The following PHF8 variants were observed in gnomAD, a reference collection of about 807,000 sequenced individuals.
PHF8 encodes PHD finger protein 8, also known as histone lysine demethylase PHF8.
Under a neutral mutation model 74.4 loss-of-function variants are expected in PHF8, and 9 were observed. The ratio of observed to expected loss-of-function variants is 0.12; its 90% CI spans 0.07 to 0.21. The LOEUF is 0.21. Among genes scored for constraint, PHF8 ranks in the 10% least tolerant of loss-of-function variants. The pLI is 1.00. For missense variants in PHF8, 478 were observed against 816.6 expected (o/e 0.59, Z 5.05); for synonymous variants, 311 against 316.6 (o/e 0.98, Z 0.19).
chrX:54,008,080 A>T (rs1557105767), intron 8 of PHF8, among the ~76,000 whole-genome samples: 1 of 112,192 alleles, frequency 8.9e-6, no homozygotes, highest in Non-Finnish European at 1.9e-5. Flanking sequence ...TGTTAAAAAG[A>T]ACGAAGTGGT....
chrX:53,979,574 A>C (rs1603310757), intron 18 of PHF8, among the ~76,000 whole-genome samples: 1 of 111,339 alleles, frequency 9.0e-6, no homozygotes, highest in Middle Eastern at 4.6e-3. Context: ...AATCAAATAA[A>C]CTAGATGAAC....
upstream of PHF8, among the ~76,000 whole-genome samples, chrX:54,047,438 A>T (rs782456520): frequency 7.1e-5 from 8 of 111,909 alleles, no homozygotes; most frequent in African/African-American, 1.9e-4. Context: ...CTCACCCAAC[A>T]GTTCTTTATT....
chrX:53,975,321 G>A (rs2065356205), intron 18 of PHF8, among the ~76,000 whole-genome samples: 2 of 111,708 alleles, frequency 1.8e-5, no homozygotes, highest in Admixed American at 9.5e-5. Context: ...GAGGTGTCTC[G>A]AAAAAGTAAA....
chrX:53,953,333 A>G lies in PHF8; in HGVS notation c.2540-9090T>C, dbSNP rs782214059. On this transcript the variant is annotated intron_variant, in intron 19 of 21. Transcript: ENST00000338154. ...CCCCTCACATATAGAGAGATAAAAA[A>G]AAAAGGAATTAAAATGGGATCCTAG... Among the ~76,000 whole-genome samples the G allele has an allele frequency of 9.5e-5, 10 of 104,789 alleles. No homozygotes were observed. In the South Asian group the frequency reaches 4.1e-3, roughly 43 times the overall value. 91.0% of individuals were successfully genotyped at this position (104,789 alleles called of 115,157 possible).
chrX:54,034,701 G>GT (rs2066419742), intron 2 of PHF8, among the ~76,000 whole-genome samples: 1 of 110,034 alleles, frequency 9.1e-6, no homozygotes, highest in Non-Finnish European at 1.9e-5. Context: ...GCGGGCGCCT[G>GT]TAATTCCAGC....
Position 53,986,006 on chromosome X carries a change from A to G in PHF8, c.1996-57T>C, listed in dbSNP as rs781915770. On this transcript the variant is annotated intron_variant, in intron 16 of 21. Coordinates refer to ENST00000338154, the MANE Select transcript of PHF8 (RefSeq NM_015107.3). ...CCCAGGATTGGTCTGGTAAGGCCCC[A>G]GTACAGGGGCGATGATCTGACTCCT... The G allele has an allele frequency of 2.9e-5, 31 of 1,087,382 alleles. No homozygotes were observed. The South Asian group carries it at 4.8e-4, about 17-fold the overall frequency. 89.6% of individuals were successfully genotyped at this position (1,087,382 alleles called of 1,213,427 possible). A position where few individuals can be genotyped will look rare whatever the true frequency, so the allele number is the denominator to read the frequency against.
At chrX:54,043,088 C>A in intron 1 of PHF8, 1 of 758,382 alleles carries the variant, frequency 1.3e-6, no homozygotes, top group Non-Finnish European at 1.7e-6. Context: ...GTGATAACTT[C>A]TTTCCGGGTT....
intron 1 of PHF8, chrX:54,043,045 C>T: frequency 2.3e-6 from 1 of 430,725 alleles, no homozygotes; most frequent in Non-Finnish European, 3.5e-6. Flanking sequence ...ACTCTCCACT[C>T]CCCACCCCCC....
intron 13 of PHF8, 36 bp from the exon 14 acceptor site, chrX:53,992,875 G>A: frequency 1.1e-6 from 1 of 914,216 alleles, no homozygotes; most frequent in Non-Finnish European, 1.6e-6. Flanking sequence ...TACCTGTCTG[G>A]GACTCCCATG....
intron 7 of PHF8, among the ~76,000 whole-genome samples, chrX:54,012,368 T>A (rs1250075269): frequency 8.9e-6 from 1 of 112,080 alleles, no homozygotes; most frequent in Admixed American, 9.6e-5. Context: ...AAACCTAACA[T>A]TTGCATAATA....
Position 53,939,062 on chromosome X carries a change from C to A in PHF8, c.*96G>T. 2.6e-6 allele frequency: 3 copies of A among 1,161,046 alleles called. No individual in the cohort carries two copies. The highest frequency in any genetic ancestry group is 3.5e-6 in the Non-Finnish European group (3 of 868,831). On this transcript the variant is annotated 3_prime_UTR_variant, in exon 22 of 22. Transcript: ENST00000338154. ...GAAAGCAGGACAATGCACCTCAGCA[C>A]CTTGTCCAGGGCAGATAGGATCCAG...
chrX:53,979,981 T>A lies in PHF8; in HGVS notation c.2443+4933A>T, dbSNP rs782174080. On this transcript the variant is annotated intron_variant, in intron 18 of 21. Transcript: ENST00000338154. Reference sequence around the variant, plus strand: ...TCCAGCCTGGGTGATAGAGCGAGACTGTGTCTAAATAAGTAAATAAATAGC... The same window carrying A: ...TCCAGCCTGGGTGATAGAGCGAGACAGTGTCTAAATAAGTAAATAAATAGC... 1.1e-3 allele frequency among the ~76,000 whole-genome samples: 125 copies of A among 111,329 alleles called. 1 individual carries two copies. The highest frequency in any genetic ancestry group is 2.0e-3 in the Non-Finnish European group (107 of 53,071).
intron 19 of PHF8, among the ~76,000 whole-genome samples, chrX:53,953,459 G>C (rs1227986415): frequency 9.1e-6 from 1 of 109,550 alleles, no homozygotes; most frequent in Non-Finnish European, 1.9e-5. Flanking sequence ...TGGCCAACAC[G>C]GTGAAACCCC....
chrX:54,027,993 C>G (rs2066296004), intron 2 of PHF8, among the ~76,000 whole-genome samples: 2 of 109,021 alleles, frequency 1.8e-5, no homozygotes, highest in Middle Eastern at 4.2e-3. Flanking sequence ...ACCACACACA[C>G]ACACACACAC....
At chrX:54,000,075 C>A (rs2149848627) in intron 10 of PHF8, 114 bp from the exon 11 acceptor site, 2 of 525,782 alleles carry the variant, frequency 3.8e-6, no homozygotes, top group East Asian at 7.1e-5. Flanking sequence ...AGCACAACTG[C>A]AGATCTCAGT....
chrX:53,967,599 C>T (rs1361881914), intron 18 of PHF8, among the ~76,000 whole-genome samples: 1 of 114,226 alleles, frequency 8.8e-6, no homozygotes. Flanking sequence ...CGGCCACCAC[C>T]CCATCTGGGA....
chrX:54,032,045 C>G (rs1025682205), intron 2 of PHF8, among the ~76,000 whole-genome samples: 1 of 111,445 alleles, frequency 9.0e-6, no homozygotes, highest in Non-Finnish European at 1.9e-5. Flanking sequence ...CCTTGCTCCT[C>G]ACCTTTAGTC....
rs1557116896 is a variant in PHF8, at chrX:54,044,377, GAGGAGAA to G, written c.-715_-709del. On this transcript the variant is annotated 5_prime_UTR_variant, in exon 1 of 22. The change abolishes the stop of an existing upstream ORF in the 5' untranslated region. Transcript: ENST00000338154. Reference sequence around the variant, plus strand: ...AATGAGGAAGTTGAGGCGGAGAGGGGAGGAGAAATACGGGATAAACAGCTACCATGTT... The same window carrying G: ...AATGAGGAAGTTGAGGCGGAGAGGGGATACGGGATAAACAGCTACCATGTT... 1.3e-6 allele frequency: 1 copy of G among 750,711 alleles called. No individual in the cohort carries two copies. The highest frequency in any genetic ancestry group is 2.3e-5 in the African/African-American group (1 of 43,579). 61.9% of individuals were successfully genotyped at this position (750,711 alleles called of 1,213,427 possible).
In PHF8 at chrX:53,992,764, G is replaced by C. The variant is rs376393889; in HGVS notation, c.1702C>G (p.Pro568Ala). Reference protein sequence around the residue: ...PDLDLDGNESPLALLMSNGST... With the variant: ...PDLDLDGNESALALLMSNGST... The stretch of plus-strand genomic sequence containing the variant: ...CCGTTAGACATCAATAGGGCCAATG[G>C]GCTCTCATTTCCATCAAGGTCCAAG... Residue 568 changes from proline to alanine, a missense_variant, in exon 14 of 22, where the codon CCA (proline) becomes GCA (alanine). Physicochemically the swap from Pro to Ala is conservative, Grantham distance 27 (BLOSUM62 -1). Around this residue, in one of 9 missense-constraint regions of PHF8, gnomAD observed 153 missense variants for 164.8 expected, o/e 0.93. Coordinates refer to ENST00000338154, the MANE Select transcript of PHF8 (RefSeq NM_015107.3). 3.3e-5 allele frequency: 39 copies of C among 1,194,195 alleles called. No individual in the cohort carries two copies. Among genetic ancestry groups the C allele is most frequent in the Non-Finnish European group, 4.3e-5 (38 of 882,478 alleles).
Sources: allele counts gnomAD v4.1 joint callset (sites outside exome capture counted in the v4.1 genomes callset), GRCh38; gene constraint gnomAD v4.1.1; regional missense constraint gnomAD v4.1.1; transcripts MANE v1.5; gene names NCBI Gene and HGNC (gene_info 2026-07-23, HGNC 2026-07-21).